Variants in VPS13B observed in about 807,000 individuals in gnomAD.
The protein encoded by VPS13B is vacuolar protein sorting 13 homolog B.
Under a neutral mutation model 426.4 loss-of-function variants are expected in VPS13B, and 285 were observed. The observed-to-expected ratio is 0.67, with a 90% CI of 0.61 to 0.74. The LOEUF (loss-of-function observed/expected upper bound fraction) is 0.74. VPS13B is among the 30% of genes least tolerant of loss of function. VPS13B has a pLI of 0.00. For missense variants in VPS13B, 4,537 were observed against 4,782.6 expected (o/e 0.95, Z 1.51); for synonymous variants, 1,676 against 1,676.4 (o/e 1.00, Z 0.01).
At chr8:99,217,157 A>G (rs1431739856) in intron 17 of VPS13B, among the ~76,000 whole-genome samples, 1 of 152,132 alleles carries the variant, frequency 6.6e-6, no homozygotes, top group African/African-American at 2.4e-5. Context: ...GATCATGTTC[A>G]TGTTTATTCC....
At chr8:99,814,997 T>G (rs1813938024) in intron 44 of VPS13B, among the ~76,000 whole-genome samples, 1 of 152,128 alleles carries the variant, frequency 6.6e-6, no homozygotes, top group Admixed American at 6.6e-5. Flanking sequence ...CTGTTAAATT[T>G]TCTCTCTGTT....
chr8:99,871,685 C>A lies in VPS13B; in HGVS notation c.11733C>A (p.Ala3911=). The part of the protein sequence containing the change: ...LTVQLKQPRV[A]CDVEVDGVRE... ...TGCAGCTCAAGCAGCCAAGAGTGGC[C>A]TGTGATGTGGAGGTACGTTTCAGAA... Residue 3911 remains alanine, a synonymous_variant, in exon 61 of 62, where the codon GCC becomes GCA. Transcript: ENST00000357162. The A allele has an allele frequency of 6.2e-7, 1 of 1,613,782 alleles. No individual in the cohort carries two copies. Among genetic ancestry groups the A allele is most frequent in the Non-Finnish European group, 8.5e-7 (1 of 1,180,030 alleles).
At chr8:99,039,604 C>A (rs1249947602) in intron 3 of VPS13B, among the ~76,000 whole-genome samples, 1 of 150,410 alleles carries the variant, frequency 6.6e-6, no homozygotes, top group Non-Finnish European at 1.5e-5. Flanking sequence ...GGAAGATTGG[C>A]TATAATCAAG....
At chr8:99,213,412 T>A (rs1251377277) in intron 17 of VPS13B, among the ~76,000 whole-genome samples, 1 of 152,162 alleles carries the variant, frequency 6.6e-6, no homozygotes, top group Non-Finnish European at 1.5e-5. Context: ...AAAAATTGGG[T>A]TAATATTATT....
At chr8:99,765,963 A>G (rs1298824015) in intron 39 of VPS13B, among the ~76,000 whole-genome samples, 1 of 151,916 alleles carries the variant, frequency 6.6e-6, no homozygotes. Context: ...TTTTGTGTAA[A>G]GAATGATGTA....
intron 42 of VPS13B, among the ~76,000 whole-genome samples, chr8:99,781,591 A>G (rs1384976410): frequency 6.6e-6 from 1 of 152,222 alleles, no homozygotes; most frequent in African/African-American, 2.4e-5. Flanking sequence ...AAGCAGCAGT[A>G]GAGAAATAGT....
intron 17 of VPS13B, among the ~76,000 whole-genome samples, chr8:99,208,545 A>G (rs1348410334): frequency 6.6e-6 from 1 of 152,180 alleles, no homozygotes; most frequent in Admixed American, 6.6e-5. Context: ...TTCATATTAT[A>G]TGTAAGATTA....
At chr8:99,271,679 AT>A (rs1164346308) in intron 17 of VPS13B, among the ~76,000 whole-genome samples, 2 of 152,218 alleles carry the variant, frequency 1.3e-5, no homozygotes, top group African/African-American at 4.8e-5. Flanking sequence ...GAAACTTACA[AT>A]TATGGCAGAA....
At chr8:99,015,544 C>A (rs1247292827) in intron 2 of VPS13B, among the ~76,000 whole-genome samples, 2 of 147,396 alleles carry the variant, frequency 1.4e-5, no homozygotes, top group African/African-American at 5.1e-5. Flanking sequence ...TGTTTTACAC[C>A]TGTGCAACTA....
At chr8:99,717,401 CATAGGTT>C (rs762601150) in intron 37 of VPS13B, 28 bp downstream of exon 37, 37 of 1,588,232 alleles carry the variant, frequency 2.3e-5, no homozygotes, top group Non-Finnish European at 3.2e-5. Context: ...ATATTTTTTT[CATAGGTT>C]ATTAACTAGC....
chr8:99,697,387 C>A, intron 35 of VPS13B: 2 of 608,754 alleles, frequency 3.3e-6, no homozygotes, highest in South Asian at 3.9e-5. Flanking sequence ...GTCCTGTGGT[C>A]AGAGACCCTG....
chr8:99,035,747 A>G (rs1587944106), intron 2 of VPS13B, among the ~76,000 whole-genome samples: 1 of 151,900 alleles, frequency 6.6e-6, no homozygotes, highest in African/African-American at 2.4e-5. Flanking sequence ...GAACCTCCAT[A>G]TTATGTTCTG....
chr8:99,028,155 C>G (rs865879599), intron 2 of VPS13B, among the ~76,000 whole-genome samples: 8 of 152,108 alleles, frequency 5.3e-5, no homozygotes, highest in Non-Finnish European at 8.8e-5. Flanking sequence ...TCAATCTTTT[C>G]CCCACCCTTC....
At chr8:99,585,083 G>T (rs1390097154) in intron 33 of VPS13B, among the ~76,000 whole-genome samples, 2 of 152,146 alleles carry the variant, frequency 1.3e-5, no homozygotes, top group African/African-American at 4.8e-5. Context: ...CATTAAATTT[G>T]CCATCAATAA....
In VPS13B at chr8:99,612,130, C is replaced by T. The variant is rs147295573; in HGVS notation, c.5221-29681C>T. ...CAACCCAGATTTTATGTCTAAAGTA[C>T]GGCTGTGTTTCTGCCATTAGACTAG... On this transcript the variant is annotated intron_variant, in intron 33 of 61. Coordinates refer to ENST00000357162, the MANE Select transcript of VPS13B (RefSeq NM_152564.5). Among the ~76,000 whole-genome samples, 938 of 152,132 alleles carry T rather than the reference C, an allele frequency of 6.2e-3. 12 individuals are homozygous for T. Among genetic ancestry groups the T allele is most frequent in the African/African-American group, 0.021 (891 of 41,512 alleles).
chr8:99,082,480 G>T, intron 3 of VPS13B, among the ~76,000 whole-genome samples: 1 of 152,130 alleles, frequency 6.6e-6, no homozygotes, highest in East Asian at 1.9e-4. Flanking sequence ...CATCCCATTT[G>T]TCCATTTTGG....
chr8:99,496,185 A>G (rs1045588483), intron 25 of VPS13B, among the ~76,000 whole-genome samples: 2 of 152,224 alleles, frequency 1.3e-5, no homozygotes, highest in Non-Finnish European at 2.9e-5. Context: ...AAAGATAAAT[A>G]AAACTTTATA....
At chr8:99,397,687 C>G (rs1469080167) in intron 21 of VPS13B, among the ~76,000 whole-genome samples, 1 of 152,154 alleles carries the variant, frequency 6.6e-6, no homozygotes, top group Non-Finnish European at 1.5e-5. Flanking sequence ...CTTTGAGTGG[C>G]CTTCATTGCC....
chr8:99,380,889 T>A (rs57273105), intron 19 of VPS13B, among the ~76,000 whole-genome samples: 6,114 of 148,892 alleles, frequency 0.041, 170 homozygotes, highest in African/African-American at 0.078. Flanking sequence ...TTTTTTTTTT[T>A]TAAAAAAAAA....
Sources: gnomAD v4.1 joint callset for allele counts (sites outside exome capture counted in the v4.1 genomes callset) on GRCh38, gnomAD v4.1.1 for gene constraint, MANE v1.5 for transcripts, NCBI Gene and HGNC (gene_info 2026-07-23, HGNC 2026-07-21) for gene names.